The following ZC3HAV1 variants were observed in gnomAD, a reference collection of about 807,000 sequenced individuals.
The protein encoded by ZC3HAV1 is zinc finger CCCH-type containing, antiviral 1, also known as zinc finger CCCH-type antiviral protein 1.
ZC3HAV1 carries 41 observed loss-of-function variants against 86.6 expected under a neutral mutation model. The observed-to-expected ratio is 0.47, with a 90% CI of 0.37 to 0.61. The LOEUF is 0.61. Among genes scored for constraint, ZC3HAV1 ranks in the 20% least tolerant of loss-of-function variants. ZC3HAV1 has a pLI of 0.00. For missense variants in ZC3HAV1, 964 were observed against 1,141.1 expected, an observed-to-expected ratio of 0.84 and a Z score of 2.24; for synonymous variants, 421 against 432.1, an observed-to-expected ratio of 0.97 and a Z score of 0.32.
At chr7:139,089,000 G>C (rs1240682859) in intron 2 of ZC3HAV1, among the ~76,000 whole-genome samples, 1 of 151,332 alleles carries the variant, frequency 6.6e-6, no homozygotes, top group African/African-American at 2.4e-5. Flanking sequence ...TACTTGGGAG[G>C]CTGAGGCAGG....
intron 1 of ZC3HAV1, among the ~76,000 whole-genome samples, chr7:139,100,138 C>A (rs190812728): frequency 2.0e-5 from 3 of 151,318 alleles, no homozygotes; most frequent in African/African-American, 7.3e-5. Context: ...AAGTAAAATG[C>A]GAATAAGAAG....
chr7:139,058,168 C>A (rs115751217), intron 9 of ZC3HAV1, among the ~76,000 whole-genome samples: 1,810 of 137,172 alleles, frequency 0.013, 33 homozygotes, highest in African/African-American at 0.046. Flanking sequence ...CACCCTCCCC[C>A]ACTAACATGT....
chr7:139,072,733 C>T (rs1194233525), intron 7 of ZC3HAV1, among the ~76,000 whole-genome samples: 2 of 152,112 alleles, frequency 1.3e-5, no homozygotes, highest in African/African-American at 4.8e-5. Flanking sequence ...CATCTAAATC[C>T]AGACTCTGAA....
chr7:139,084,175 G>T, intron 2 of ZC3HAV1, 143 bp from the exon 3 acceptor site: 1 of 1,156,082 alleles, frequency 8.6e-7, no homozygotes, highest in Non-Finnish European at 1.2e-6. Context: ...ATATTCTGCA[G>T]TCTTTGATGA....
chr7:139,066,240 TC>T (rs1816604738), intron 7 of ZC3HAV1, among the ~76,000 whole-genome samples: 1 of 152,124 alleles, frequency 6.6e-6, no homozygotes. Flanking sequence ...GGCTCACGGT[TC>T]CTTTTGCTAA....
chr7:139,094,786 T>TA (rs1817535945), intron 1 of ZC3HAV1, among the ~76,000 whole-genome samples: 1 of 152,168 alleles, frequency 6.6e-6, no homozygotes, highest in African/African-American at 2.4e-5. Flanking sequence ...GGCTTCATCT[T>TA]ACTGCGGTGG....
intron 1 of ZC3HAV1, among the ~76,000 whole-genome samples, chr7:139,098,215 C>T (rs1364386831): frequency 6.6e-5 from 10 of 152,112 alleles, no homozygotes; most frequent in African/African-American, 2.4e-4. Flanking sequence ...GCTAGGATTA[C>T]AGCATGAGCC....
Position 139,108,452 on chromosome 7 carries a change from C to T in ZC3HAV1, c.308+572G>A, listed in dbSNP as rs2130746659. On this transcript the variant is annotated intron_variant, in intron 1 of 12. Transcript: ENST00000242351. This position sits in a 1 kb window ranked among gnomAD's most constrained non-coding sequence, Gnocchi z 4.2. ...CAACTTCAGGAACCTGGAAAAGGGC[C>T]ACCCCTGCTACGCGCCAGGCATCAG... 6.6e-6 allele frequency among the ~76,000 whole-genome samples: 1 copy of T among 152,056 alleles called. No individual in the cohort carries two copies. The highest frequency in any genetic ancestry group is 1.5e-5 in the Non-Finnish European group (1 of 67,982).
intron 1 of ZC3HAV1, among the ~76,000 whole-genome samples, chr7:139,097,428 A>ATATAT: frequency 8.3e-5 from 4 of 48,160 alleles, no homozygotes; most frequent in African/African-American, 3.4e-4. Context: ...ATATATATAT[A>ATATAT]TTTTTTTTTT....
intron 1 of ZC3HAV1, among the ~76,000 whole-genome samples, chr7:139,106,899 A>G (rs1196250314): frequency 7.5e-6 from 1 of 134,048 alleles, no homozygotes; most frequent in East Asian, 1.9e-4. Flanking sequence ...GGGAGAATAA[A>G]TGAAACAAAA....
Position 139,109,440 on chromosome 7 carries a change from G to C in ZC3HAV1, c.-109C>G, listed in dbSNP as rs1443107347. ...GCGGGCGCGGGCGGTGCTACTGCTG[G>C]GCGCGCCCGGAGTCAGCGAGGGCGC... On this transcript the variant is annotated 5_prime_UTR_variant, in exon 1 of 13. Transcript: ENST00000242351. The C allele has an allele frequency of 1.5e-6, 2 of 1,368,532 alleles. No homozygotes were observed. Among genetic ancestry groups the C allele is most frequent in the Non-Finnish European group, 9.6e-7 (1 of 1,042,386 alleles). 84.8% of individuals were successfully genotyped at this position (1,368,532 alleles called of 1,614,324 possible). A position where few individuals can be genotyped will look rare whatever the true frequency, so the allele number is the denominator to read the frequency against.
intron 2 of ZC3HAV1, among the ~76,000 whole-genome samples, chr7:139,087,332 A>C (rs560440320): frequency 1.6e-3 from 245 of 152,194 alleles, no homozygotes; most frequent in Non-Finnish European, 3.0e-3. Context: ...CCAAGACAAG[A>C]CCTTTAAACC....
Position 139,064,998 on chromosome 7 carries a change from T to C in ZC3HAV1, c.1874A>G (p.Lys625Arg). The stretch of plus-strand genomic sequence containing the variant: ...GACGTTTGAATTTTTCCGTTTGTCT[T>C]TCTAATTGGAAAAAAAATAAAAGGT... ...SGTWIQYGEE[K>R]DKRKNSNVDS... Residue 625 changes from lysine (K) to arginine (R), a missense_variant and splice_region_variant, in exon 8 of 13, where the codon AAA becomes AGA. Physicochemically the swap from Lys to Arg is conservative, Grantham distance 26. Coordinates refer to ENST00000242351, the MANE Select transcript of ZC3HAV1 (RefSeq NM_020119.4). 6.2e-7 allele frequency: 1 copy of C among 1,613,956 alleles called. No individual in the cohort carries two copies. The highest frequency in any genetic ancestry group is 8.5e-7 in the Non-Finnish European group (1 of 1,179,970).
intron 2 of ZC3HAV1, among the ~76,000 whole-genome samples, chr7:139,087,134 A>G (rs1404254711): frequency 6.6e-6 from 1 of 152,174 alleles, no homozygotes; most frequent in South Asian, 2.1e-4. Context: ...CTAAGGATAG[A>G]CCACAAAACA....
intron 9 of ZC3HAV1, among the ~76,000 whole-genome samples, chr7:139,056,417 T>TTTTC (rs1816286576): frequency 5.8e-5 from 4 of 68,892 alleles, no homozygotes; most frequent in Non-Finnish European, 5.8e-5. Context: ...TTTCTTTTCT[T>TTTTC]TTTTTTTTTT....
chr7:139,109,308 G>A lies in ZC3HAV1; in HGVS notation c.24C>T (p.Cys8=), dbSNP rs1311727946. Reference sequence around the variant, plus strand: ...GGGCGCACAGGATTTTGGTGATGAAGCAGCACACCTCCGGGTCCGCCATGG... The same window carrying A: ...GGGCGCACAGGATTTTGGTGATGAAACAGCACACCTCCGGGTCCGCCATGG... The part of the protein sequence containing the change: MADPEVC[C]FITKILCAHG... The change falls in exon 1 of 13, where the codon TGC becomes TGT. Residue 8 remains cysteine, a synonymous_variant. Transcript: ENST00000242351. 6.2e-7 allele frequency: 1 copy of A among 1,605,064 alleles called. No homozygotes were observed. Among genetic ancestry groups the A allele is most frequent in the Non-Finnish European group, 8.5e-7 (1 of 1,175,842 alleles).
At chr7:139,076,815 C>A (rs1816965337) in intron 5 of ZC3HAV1, among the ~76,000 whole-genome samples, 1 of 151,890 alleles carries the variant, frequency 6.6e-6, no homozygotes, top group African/African-American at 2.4e-5. Context: ...TCACTTGAAT[C>A]TGGGAGGTGG....
intron 2 of ZC3HAV1, among the ~76,000 whole-genome samples, chr7:139,088,892 C>T (rs542359419): frequency 4.6e-5 from 7 of 152,066 alleles, no homozygotes; most frequent in African/African-American, 1.2e-4. Flanking sequence ...CACTTGAGGT[C>T]GGGAGTTCGA....
At chr7:139,066,042 G>T (rs933654881) in intron 7 of ZC3HAV1, among the ~76,000 whole-genome samples, 2 of 152,120 alleles carry the variant, frequency 1.3e-5, no homozygotes, top group African/African-American at 2.4e-5. Context: ...CAAGGGGCAG[G>T]CTAGGCTACC....
Sources: allele counts gnomAD v4.1 joint callset (sites outside exome capture counted in the v4.1 genomes callset), GRCh38; gene constraint gnomAD v4.1.1; non-coding constraint Gnocchi (gnomAD v3.1); transcripts MANE v1.5; gene names NCBI Gene and HGNC (gene_info 2026-07-23, HGNC 2026-07-21).